The following MSL2 variants were observed in gnomAD, a reference collection of about 807,000 sequenced individuals.
MSL2 encodes the protein MSL complex subunit 2.
In MSL2, 2 loss-of-function variants were observed where a neutral mutation model predicts 35.8. That is an observed-to-expected ratio of 0.06 (90% CI 0.02 to 0.18). The LOEUF is 0.18. Among genes scored for constraint, MSL2 ranks in the 10% least tolerant of loss-of-function variants. The pLI is 1.00. For missense variants in MSL2, 523 were observed against 706.7 expected (o/e 0.74, Z 2.95); for synonymous variants, 296 against 255.7 (o/e 1.16, Z -1.50).
intron 1 of MSL2, among the ~76,000 whole-genome samples, chr3:136,180,869 C>T (rs1478020618): frequency 5.4e-5 from 7 of 130,104 alleles, no homozygotes; most frequent in African/African-American, 2.1e-4. Context: ...GTTGGCCGGG[C>T]GTGGTAGCTC....
At position 136,152,621 on chromosome 3, in the gene MSL2, T is replaced by C. The variant is rs751463655; in HGVS notation, c.260A>G (p.Tyr87Cys). 2.5e-6 allele frequency: 4 copies of C among 1,614,224 alleles called. No individual in the cohort carries two copies. Among genetic ancestry groups the C allele is most frequent in the South Asian group, 2.2e-5 (2 of 91,090 alleles). The change falls in exon 2 of 2, where the codon TAT (tyrosine) becomes TGT (cysteine). Residue 87 changes from tyrosine to cysteine, a missense_variant. By Grantham distance (194) the Tyr-to-Cys change is radical. Transcript: ENST00000309993. The stretch of plus-strand genomic sequence containing the variant: ...CTGCTTGTTTTCCTCAAACTGCTCA[T>C]AGTCTTTGCACCAGCTACAGGAAGG... Reference protein sequence around the residue: ...MKPSCSWCKDYEQFEENKQLS... With the variant: ...MKPSCSWCKDCEQFEENKQLS...
intron 1 of MSL2, among the ~76,000 whole-genome samples, chr3:136,172,116 A>G (rs1448969438): frequency 6.6e-6 from 1 of 152,142 alleles, no homozygotes; most frequent in Admixed American, 6.5e-5. Context: ...TGGCCTGTAT[A>G]TTGAAATTTT....
chr3:136,191,129 A>C (rs1021910463), intron 1 of MSL2, among the ~76,000 whole-genome samples: 3 of 152,102 alleles, frequency 2.0e-5, no homozygotes, highest in Non-Finnish European at 4.4e-5. Context: ...TAAGTACCTA[A>C]TATGTGCCAG....
At chr3:136,170,870 G>C (rs989997796) in intron 1 of MSL2, among the ~76,000 whole-genome samples, 9 of 152,116 alleles carry the variant, frequency 5.9e-5, no homozygotes, top group South Asian at 2.1e-4. Flanking sequence ...AACTGGCAGG[G>C]GGATACCTTT....
chr3:136,183,677 T>C (rs1940431159), intron 1 of MSL2, among the ~76,000 whole-genome samples: 1 of 152,200 alleles, frequency 6.6e-6, no homozygotes, highest in South Asian at 2.1e-4. Context: ...ATTTTAACTA[T>C]ATTCCATAAG....
intron 1 of MSL2, among the ~76,000 whole-genome samples, chr3:136,164,959 C>T (rs1268687711): frequency 6.6e-6 from 1 of 152,024 alleles, no homozygotes; most frequent in Non-Finnish European, 1.5e-5. Context: ...CCGCAACCTC[C>T]ATCTCCCAGG....
In MSL2 at chr3:136,150,013, C is replaced by CAATTTA; in HGVS notation, c.*1133_*1134insTAAATT. The CAATTTA allele has an allele frequency of 6.6e-6, 1 of 152,608 alleles. No individual in the cohort carries two copies. The highest frequency in any genetic ancestry group is 2.4e-5 in the African/African-American group (1 of 41,428). 9.5% of individuals were successfully genotyped at this position (152,608 alleles called of 1,614,324 possible). A position where few individuals can be genotyped will look rare whatever the true frequency, so the allele number is the denominator to read the frequency against. On this transcript the variant is annotated 3_prime_UTR_variant, in exon 2 of 2. Transcript: ENST00000309993. ...ATGTTTGTGACTCACTTGTCTTCCCCATAAAAATTAACCGGAAGAAGTGCA... is the reference window on the plus strand; with the variant it reads ...ATGTTTGTGACTCACTTGTCTTCCCCAATTTAATAAAAATTAACCGGAAGAAGTGCA...
chr3:136,157,938 T>C lies in MSL2; in HGVS notation c.143-5200A>G, dbSNP rs149933792. 7.6e-3 allele frequency among the ~76,000 whole-genome samples: 1,151 copies of C among 152,228 alleles called. 18 individuals carry two copies. Among genetic ancestry groups the C allele is most frequent in the African/African-American group, 0.026 (1,081 of 41,530 alleles). Reference sequence around the variant, plus strand: ...ATTAAAAAGGAATAACACCCAAACATAGAGGAGGAGAAAACACTTCCCAAC... The same window carrying C: ...ATTAAAAAGGAATAACACCCAAACACAGAGGAGGAGAAAACACTTCCCAAC... On this transcript the variant is annotated intron_variant, in intron 1 of 1. Coordinates refer to ENST00000309993, the MANE Select transcript of MSL2 (RefSeq NM_018133.4).
chr3:136,182,005 A>T (rs1057504556), intron 1 of MSL2, among the ~76,000 whole-genome samples: 30 of 152,042 alleles, frequency 2.0e-4, no homozygotes, highest in Admixed American at 1.6e-3. Flanking sequence ...TTAATTTAAA[A>T]TTTTTTTAAA....
At chr3:136,188,636 A>G (rs1940589187) in intron 1 of MSL2, among the ~76,000 whole-genome samples, 1 of 151,044 alleles carries the variant, frequency 6.6e-6, no homozygotes, top group African/African-American at 2.4e-5. Flanking sequence ...CTGTAGTGTC[A>G]GCTACTCAGG....
At position 136,195,620 on chromosome 3, in the gene MSL2, A is replaced by G. The variant is rs1940817639; in HGVS notation, c.-507T>C. On this transcript the variant is annotated 5_prime_UTR_variant, in exon 1 of 2. Transcript: ENST00000309993. ...AGGGCGCGGAGGCGGCGGCGACGGC[A>G]AGGACGACGGTCGGGCAGCGGCTTC... 6.1e-6 allele frequency: 6 copies of G among 980,524 alleles called. No homozygotes were observed. The highest frequency in any genetic ancestry group is 7.3e-6 in the Non-Finnish European group (6 of 825,282). 60.7% of individuals were successfully genotyped at this position (980,524 alleles called of 1,614,324 possible). A position where few individuals can be genotyped will look rare whatever the true frequency, so the allele number is the denominator to read the frequency against.
intron 1 of MSL2, among the ~76,000 whole-genome samples, chr3:136,159,359 TTTTTTTTTTTTTTTTTTTTTTTG>T (rs1939632039): frequency 8.0e-6 from 1 of 124,892 alleles, no homozygotes; most frequent in Non-Finnish European, 1.7e-5. Flanking sequence ...ACTTTCTTTT[TTTTTTTTTTTTTTTTTTTTTTTG>T]AGACGGATTC....
intron 1 of MSL2, among the ~76,000 whole-genome samples, chr3:136,194,150 G>C (rs967281566): frequency 6.6e-6 from 1 of 152,080 alleles, no homozygotes; most frequent in East Asian, 1.9e-4. Context: ...CCTTTCTTTT[G>C]TATTAACGTT....
intron 1 of MSL2, among the ~76,000 whole-genome samples, chr3:136,163,746 T>A (rs560853162): frequency 6.6e-6 from 1 of 152,292 alleles, no homozygotes; most frequent in African/African-American, 2.4e-5. Context: ...GATAACTGAA[T>A]CATGGGAGCA....
intron 1 of MSL2, among the ~76,000 whole-genome samples, chr3:136,165,207 CAAAAAAAA>C (rs371730438): frequency 1.7e-5 from 1 of 59,334 alleles, no homozygotes; most frequent in Non-Finnish European, 3.7e-5. Flanking sequence ...AAGTTCGTGA[CAAAAAAAA>C]AAAAAAAAAG....
Position 136,193,756 on chromosome 3 carries a change from T to C in MSL2, c.142+1216A>G, listed in dbSNP as rs141700449. Among the ~76,000 whole-genome samples the C allele has an allele frequency of 1.4e-3, 213 of 152,310 alleles. 3 individuals carry two copies. The highest frequency in any genetic ancestry group is 4.5e-3 in the African/African-American group (187 of 41,562). The stretch of plus-strand genomic sequence containing the variant: ...TGAGGCCCAGGGCAGTTAGGTGATT[T>C]GCCCTGGGCGACTATTCCTCTAAGG... On this transcript the variant is annotated intron_variant, in intron 1 of 1. Coordinates refer to ENST00000309993, the MANE Select transcript of MSL2 (RefSeq NM_018133.4).
intron 1 of MSL2, among the ~76,000 whole-genome samples, chr3:136,174,690 A>G (rs1576367582): frequency 6.6e-6 from 1 of 152,150 alleles, no homozygotes; most frequent in Non-Finnish European, 1.5e-5. Context: ...ACTAACTTCA[A>G]TTTTTAAAGT....
Position 136,151,169 on chromosome 3 carries a change from A to G in MSL2, c.1712T>C (p.Ile571Thr), listed in dbSNP as rs1939352728. 1.2e-6 allele frequency: 2 copies of G among 1,613,786 alleles called. No homozygotes were observed. Among genetic ancestry groups the G allele is most frequent in the African/African-American group, 1.3e-5 (1 of 74,942 alleles). The change falls in exon 2 of 2, where the codon ATA becomes ACA. Residue 571 changes from isoleucine to threonine, a missense_variant. Around this residue, in one of 5 missense-constraint regions of MSL2, gnomAD observed 60 missense variants for 75.1 expected, o/e 0.80. Coordinates refer to ENST00000309993, the MANE Select transcript of MSL2 (RefSeq NM_018133.4). The surrounding 1 kb of genome is among the most constrained non-coding windows in gnomAD (Gnocchi z 5.2). The part of the protein sequence containing the change: ...THDDKSLDEA[I>T]DMRFDC ...GATTTAACAGTCGAATCTCATGTCT[A>G]TAGCTTCATCCAAACTTTTATCATC...
intron 1 of MSL2, among the ~76,000 whole-genome samples, chr3:136,189,133 A>C (rs1229761829): frequency 3.6e-5 from 5 of 139,946 alleles, no homozygotes; most frequent in African/African-American, 1.1e-4. Context: ...AAAAAAAAAA[A>C]AAACACACAC....
Sources: gnomAD v4.1 joint callset for allele counts (sites outside exome capture counted in the v4.1 genomes callset) on GRCh38, gnomAD v4.1.1 for gene constraint, gnomAD v4.1.1 regional missense constraint, Gnocchi (gnomAD v3.1) non-coding constraint, MANE v1.5 for transcripts, NCBI Gene and HGNC (gene_info 2026-07-23, HGNC 2026-07-21) for gene names.